The following IMMP2L variants were observed in gnomAD, a reference collection of about 807,000 sequenced individuals.
IMMP2L encodes the protein inner mitochondrial membrane peptidase subunit 2, also known as mitochondrial inner membrane protease subunit 2.
In IMMP2L, 18 loss-of-function variants were observed where a neutral mutation model predicts 19.3. That is an observed-to-expected ratio of 0.93 (90% CI 0.64 to 1.38). The LOEUF (loss-of-function observed/expected upper bound fraction) is 1.38, where lower values mean the gene tolerates loss of function less well. IMMP2L is among the 40% of genes most tolerant of loss of function. The pLI is 0.00. For synonymous variants in IMMP2L, 76 were observed against 73.0 expected, an observed-to-expected ratio of 1.04 and a Z score of -0.21; for missense variants, 233 against 218.2, an observed-to-expected ratio of 1.07 and a Z score of -0.43.
At chr7:110,774,501 A>T (rs1364836293) in intron 5 of IMMP2L, among the ~76,000 whole-genome samples, 1 of 152,100 alleles carries the variant, frequency 6.6e-6, no homozygotes, top group Non-Finnish European at 1.5e-5. Flanking sequence ...AAATAATATA[A>T]ATCTGTTTTA....
At position 111,016,856 on chromosome 7, in the gene IMMP2L, TATATA is replaced by T. The variant is rs551451407; in HGVS notation, c.240-53296_240-53292del. The stretch of plus-strand genomic sequence containing the variant: ...AGTATATATTATATATAATATATAT[TATATA>T]ATATATTACATATAATATATATTAT... On this transcript the variant is annotated intron_variant, in intron 3 of 5. Coordinates refer to ENST00000405709, the MANE Select transcript of IMMP2L (RefSeq NM_032549.4). Among the ~76,000 whole-genome samples, 40 of 87,640 alleles carry T rather than the reference TATATA, an allele frequency of 4.6e-4. No homozygotes were observed. In the South Asian group the frequency reaches 9.9e-3, roughly 22 times the overall value. 57.5% of individuals were successfully genotyped at this position (87,640 alleles called of 152,430 possible). A position where few individuals can be genotyped will look rare whatever the true frequency, so the allele number is the denominator to read the frequency against.
chr7:111,543,444 T>C (rs906506940), intron 1 of IMMP2L, among the ~76,000 whole-genome samples: 2 of 152,110 alleles, frequency 1.3e-5, no homozygotes, highest in Non-Finnish European at 2.9e-5. Context: ...AAATATGTAT[T>C]GGGCAAAGAA....
intron 3 of IMMP2L, among the ~76,000 whole-genome samples, chr7:111,257,055 T>C (rs1178373372): frequency 6.6e-6 from 1 of 152,058 alleles, no homozygotes; most frequent in Non-Finnish European, 1.5e-5. Flanking sequence ...TTTTTCTCTT[T>C]CACATTTATC....
chr7:110,850,261 C>T (rs1157864366), intron 5 of IMMP2L, among the ~76,000 whole-genome samples: 1 of 151,966 alleles, frequency 6.6e-6, no homozygotes, highest in East Asian at 1.9e-4. Context: ...ACCAGCGATC[C>T]CTAGCTGCCT....
intron 5 of IMMP2L, among the ~76,000 whole-genome samples, chr7:110,671,601 A>T (rs1791924824): frequency 1.3e-5 from 2 of 152,100 alleles, no homozygotes; most frequent in Admixed American, 6.6e-5. Flanking sequence ...TTATTTTGGC[A>T]TCTGGTAGAC....
intron 2 of IMMP2L, among the ~76,000 whole-genome samples, chr7:111,520,348 C>T (rs1394285863): frequency 6.6e-6 from 1 of 151,934 alleles, no homozygotes. Context: ...TAAAGGCAGT[C>T]CTGTTTTAAA....
At chr7:110,933,485 T>G (rs1219925014) in intron 4 of IMMP2L, among the ~76,000 whole-genome samples, 2 of 151,686 alleles carry the variant, frequency 1.3e-5, no homozygotes. Flanking sequence ...GGCATTAAAT[T>G]AAGCCCTCTT....
intron 3 of IMMP2L, among the ~76,000 whole-genome samples, chr7:111,291,644 C>T (rs1307660050): frequency 6.6e-6 from 1 of 152,016 alleles, no homozygotes; most frequent in African/African-American, 2.4e-5. Flanking sequence ...TTAAAGGGTA[C>T]AAAATTTCAG....
chr7:111,294,563 A>G (rs1366396791), intron 3 of IMMP2L, among the ~76,000 whole-genome samples: 1 of 152,044 alleles, frequency 6.6e-6, no homozygotes, highest in African/African-American at 2.4e-5. Flanking sequence ...CAGTGAAACA[A>G]GAAGAAAAGA....
At chr7:111,545,083 A>C (rs1386381339) in intron 1 of IMMP2L, among the ~76,000 whole-genome samples, 2 of 152,166 alleles carry the variant, frequency 1.3e-5, no homozygotes, top group African/African-American at 4.8e-5. Context: ...GCAGGAGAAC[A>C]AAAGGACAAC....
At chr7:111,120,827 G>A (rs1267974221) in intron 3 of IMMP2L, among the ~76,000 whole-genome samples, 3 of 151,792 alleles carry the variant, frequency 2.0e-5, no homozygotes, top group Non-Finnish European at 4.4e-5. Flanking sequence ...TATAATTTTT[G>A]TCTCTAAATC....
intron 4 of IMMP2L, among the ~76,000 whole-genome samples, chr7:110,910,918 C>T (rs1373608253): frequency 6.6e-6 from 1 of 152,052 alleles, no homozygotes; most frequent in South Asian, 2.1e-4. Flanking sequence ...TATAAATATT[C>T]TCCCTGTATG....
chr7:110,931,966 T>G (rs1278799813), intron 4 of IMMP2L, among the ~76,000 whole-genome samples: 1 of 152,130 alleles, frequency 6.6e-6, no homozygotes, highest in African/African-American at 2.4e-5. Flanking sequence ...TTTCTTCTAC[T>G]CCTTTCTTCT....
At chr7:111,168,554 T>C (rs934512572) in intron 3 of IMMP2L, among the ~76,000 whole-genome samples, 10 of 152,086 alleles carry the variant, frequency 6.6e-5, no homozygotes, top group African/African-American at 2.2e-4. Flanking sequence ...TATTGACCTA[T>C]GCTAAATTGA....
intron 3 of IMMP2L, among the ~76,000 whole-genome samples, chr7:111,070,578 CTT>C (rs1289105873): frequency 6.6e-6 from 1 of 151,990 alleles, no homozygotes; most frequent in East Asian, 1.9e-4. Context: ...GCAAAAGAGA[CTT>C]TATAAGTTTG....
chr7:111,444,672 G>C (rs1000237658), intron 3 of IMMP2L, among the ~76,000 whole-genome samples: 2 of 151,930 alleles, frequency 1.3e-5, no homozygotes, highest in African/African-American at 2.4e-5. Flanking sequence ...CAGCCATACA[G>C]ACAAAATTTA....
chr7:110,886,512 A>G, intron 5 of IMMP2L, 81 bp downstream of exon 5: 4 of 779,214 alleles, frequency 5.1e-6, no homozygotes, highest in Non-Finnish European at 9.1e-6. Context: ...TGGCTGAGTT[A>G]CCTGAATAAC....
chr7:111,353,772 C>G (rs539955609), intron 3 of IMMP2L, among the ~76,000 whole-genome samples: 3 of 152,176 alleles, frequency 2.0e-5, no homozygotes, highest in South Asian at 4.2e-4. Flanking sequence ...GAATATACAA[C>G]TTAATATATC....
chr7:111,513,251 A>G (rs147934688), intron 2 of IMMP2L, among the ~76,000 whole-genome samples: 1 of 152,268 alleles, frequency 6.6e-6, no homozygotes, highest in African/African-American at 2.4e-5. Context: ...TATAAGGTAC[A>G]CAAACAACTC....
Sources: allele counts gnomAD v4.1 joint callset (sites outside exome capture counted in the v4.1 genomes callset), GRCh38; gene constraint gnomAD v4.1.1; transcripts MANE v1.5; gene names NCBI Gene and HGNC (gene_info 2026-07-23, HGNC 2026-07-21).